ASTN1: variants seen among roughly 807,000 people sequenced by gnomAD.
ASTN1 encodes the protein astrotactin 1.
ASTN1 carries 41 observed loss-of-function variants against 140.7 expected under a neutral mutation model. That is an observed-to-expected ratio of 0.29 (90% CI 0.23 to 0.38). ASTN1 has a LOEUF of 0.38. ASTN1 is among the 10% of genes least tolerant of loss of function. The probability of loss-of-function intolerance (pLI) is 1.00; values close to 1 mark genes in which losing one functional copy is unlikely to be tolerated. For synonymous variants in ASTN1, 640 were observed against 652.2 expected (o/e 0.98, Z 0.29); for missense variants, 1,479 against 1,678.8 (o/e 0.88, Z 2.08).
chr1:176,872,194 C>CT (rs34749674), intron 21 of ASTN1, among the ~76,000 whole-genome samples: 18,489 of 145,250 alleles, frequency 0.13, 1,453 homozygotes, highest in African/African-American at 0.22. Context: ...AATGTCAAAC[C>CT]TTTTTTTTTT....
intron 2 of ASTN1, among the ~76,000 whole-genome samples, chr1:177,054,498 T>C (rs1175303095): frequency 1.3e-5 from 2 of 152,238 alleles, no homozygotes; most frequent in African/African-American, 2.4e-5. Context: ...CTCTGACCTG[T>C]GCGTGGAGCA....
At chr1:176,965,953 T>C (rs1286814992) in intron 8 of ASTN1, among the ~76,000 whole-genome samples, 2 of 152,206 alleles carry the variant, frequency 1.3e-5, no homozygotes, top group Non-Finnish European at 2.9e-5. Context: ...CATCTAGGTA[T>C]TGTCACATGT....
At chr1:177,062,476 C>T (rs1353778926) in intron 1 of ASTN1, among the ~76,000 whole-genome samples, 1 of 150,176 alleles carries the variant, frequency 6.7e-6, no homozygotes, top group South Asian at 2.1e-4. Context: ...AACTCCTGGT[C>T]TTAAGCAATC....
chr1:176,930,279 A>G (rs1321802766), intron 16 of ASTN1, among the ~76,000 whole-genome samples: 1 of 152,196 alleles, frequency 6.6e-6, no homozygotes, highest in African/African-American at 2.4e-5. Context: ...ACAGTGTAGT[A>G]CTTACAGGGA....
intron 17 of ASTN1, among the ~76,000 whole-genome samples, chr1:176,890,576 C>T (rs1473202725): frequency 1.3e-5 from 2 of 152,104 alleles, no homozygotes; most frequent in Non-Finnish European, 2.9e-5. Context: ...ATTTCAAGAG[C>T]GCTGGTAAGT....
chr1:177,039,751 G>A (rs959887915), intron 2 of ASTN1, among the ~76,000 whole-genome samples: 7 of 152,158 alleles, frequency 4.6e-5, no homozygotes, highest in African/African-American at 1.4e-4. Flanking sequence ...CTTCCAATCT[G>A]AAAATTTTCT....
At chr1:176,960,724 A>C (rs1022952233) in intron 9 of ASTN1, among the ~76,000 whole-genome samples, 1 of 152,166 alleles carries the variant, frequency 6.6e-6, no homozygotes, top group South Asian at 2.1e-4. Context: ...CTCTGCCCTT[A>C]CAATGAGACC....
At chr1:177,057,017 A>G (rs2102024841) in intron 2 of ASTN1, among the ~76,000 whole-genome samples, 1 of 152,350 alleles carries the variant, frequency 6.6e-6, no homozygotes, top group South Asian at 2.1e-4. Context: ...CTGAATGTCA[A>G]CTATCTTGCA....
At chr1:176,922,603 T>A (rs1374184619) in intron 16 of ASTN1, among the ~76,000 whole-genome samples, 1 of 133,910 alleles carries the variant, frequency 7.5e-6, no homozygotes, top group Non-Finnish European at 1.6e-5. Flanking sequence ...GTGGGAGAAG[T>A]GGTATTTGTT....
At chr1:177,054,795 T>C (rs1677716067) in intron 2 of ASTN1, among the ~76,000 whole-genome samples, 1 of 152,102 alleles carries the variant, frequency 6.6e-6, no homozygotes, top group Admixed American at 6.5e-5. Flanking sequence ...CATAAAAGCT[T>C]TGCAATTGAG....
intron 2 of ASTN1, among the ~76,000 whole-genome samples, chr1:177,043,507 C>T (rs1677071713): frequency 6.6e-6 from 1 of 152,236 alleles, no homozygotes; most frequent in Non-Finnish European, 1.5e-5. Context: ...GTTAACAAAA[C>T]TTGTATACAT....
chr1:177,036,769 C>T (rs1383887768), intron 2 of ASTN1, among the ~76,000 whole-genome samples: 1 of 152,116 alleles, frequency 6.6e-6, no homozygotes, highest in Non-Finnish European at 1.5e-5. Flanking sequence ...CATTCAGTTA[C>T]TGTTACATTT....
chr1:177,082,783 C>A (rs774114285), intron 1 of ASTN1, among the ~76,000 whole-genome samples: 2 of 152,068 alleles, frequency 1.3e-5, no homozygotes, highest in Non-Finnish European at 2.9e-5. Flanking sequence ...GGAGCTCTGC[C>A]GCCATAGATT....
intron 2 of ASTN1, among the ~76,000 whole-genome samples, chr1:177,039,705 T>C (rs969908948): frequency 2.0e-5 from 3 of 152,210 alleles, no homozygotes; most frequent in African/African-American, 7.2e-5. Context: ...CAAGCCTTCA[T>C]TGATAAAATT....
chr1:176,945,760 G>T (rs1444534355), intron 13 of ASTN1, among the ~76,000 whole-genome samples, 166 bp downstream of exon 13: 1 of 152,214 alleles, frequency 6.6e-6, no homozygotes, highest in African/African-American at 2.4e-5. Context: ...GATTCTGGAA[G>T]AAGGAATGTA....
intron 1 of ASTN1, among the ~76,000 whole-genome samples, chr1:177,108,044 A>C (rs547740928): frequency 6.6e-5 from 10 of 152,218 alleles, no homozygotes; most frequent in African/African-American, 2.4e-4. Flanking sequence ...CTCACCCTTC[A>C]TCTGTTAAGA....
intron 21 of ASTN1, among the ~76,000 whole-genome samples, chr1:176,871,305 G>C (rs1054115826): frequency 6.6e-6 from 1 of 152,134 alleles, no homozygotes; most frequent in Admixed American, 6.5e-5. Context: ...AAGAATGACC[G>C]GGGGAGGAAA....
chr1:177,123,248 A>ACAAT (rs1681487151), intron 1 of ASTN1, among the ~76,000 whole-genome samples: 2 of 152,170 alleles, frequency 1.3e-5, no homozygotes, highest in South Asian at 4.1e-4. Context: ...CTTCATTCCA[A>ACAAT]CAATCAATCA....
chr1:177,088,882 A>G (rs989849177), intron 1 of ASTN1, among the ~76,000 whole-genome samples: 1 of 151,894 alleles, frequency 6.6e-6, no homozygotes, highest in Non-Finnish European at 1.5e-5. Flanking sequence ...TCTTTCCTCA[A>G]TAAAACAGGG....
Sources: gnomAD v4.1 joint callset for allele counts (sites outside exome capture counted in the v4.1 genomes callset) on GRCh38, gnomAD v4.1.1 for gene constraint, MANE v1.5 for transcripts, NCBI Gene and HGNC (gene_info 2026-07-23, HGNC 2026-07-21) for gene names.